NKAIN3: variants seen among roughly 807,000 people sequenced by gnomAD.
NKAIN3 encodes sodium/potassium transporting ATPase interacting 3.
Under a neutral mutation model 30.2 loss-of-function variants are expected in NKAIN3, and 25 were observed. The ratio of observed to expected loss-of-function variants is 0.83; its 90% CI spans 0.60 to 1.16. The LOEUF is 1.16. NKAIN3 is among the 50% of genes most tolerant of loss of function. The pLI is 0.00. For synonymous variants in NKAIN3, 91 were observed against 89.6 expected (o/e 1.02, Z -0.09); for missense variants, 225 against 254.1 (o/e 0.89, Z 0.78).
rs150076499 is a variant in NKAIN3 at position 62,727,068 on chromosome 8, A to G, written c.274-19864A>G. On this transcript the variant is annotated intron_variant, in intron 3 of 6. Coordinates refer to ENST00000623646, the MANE Select transcript of NKAIN3 (RefSeq NM_001304533.3). Reference sequence around the variant, plus strand: ...TAGTGTTAAAAAATCAATTAATGTAATTGACCACATCAGCAGGCTAAAGAA... The same window carrying G: ...TAGTGTTAAAAAATCAATTAATGTAGTTGACCACATCAGCAGGCTAAAGAA... Among the ~76,000 whole-genome samples the G allele has an allele frequency of 4.2e-3, 637 of 152,288 alleles. 6 individuals are homozygous for G. The highest frequency in any genetic ancestry group is 0.015 in the African/African-American group (613 of 41,590).
At chr8:62,346,894 T>C (rs1232272604) in intron 1 of NKAIN3, among the ~76,000 whole-genome samples, 2 of 152,090 alleles carry the variant, frequency 1.3e-5, no homozygotes, top group African/African-American at 2.4e-5. Flanking sequence ...GAGGAGCAAA[T>C]GAATGACATA....
Position 62,882,174 on chromosome 8 carries a change from A to G in NKAIN3, c.472-36279A>G, listed in dbSNP as rs369551206. ...GTCCTTTATCAGATGCCTCTTTTGC[A>G]TATGTTTTTTCCCAGAATGTGACTT... On this transcript the variant is annotated intron_variant, in intron 4 of 6. Transcript: ENST00000623646. Among the ~76,000 whole-genome samples the G allele has an allele frequency of 2.0e-3, 298 of 152,206 alleles. 2 individuals carry two copies. Among genetic ancestry groups the G allele is most frequent in the Non-Finnish European group, 3.0e-3 (206 of 68,010 alleles).
chr8:62,508,035 G>C (rs2129719284), intron 1 of NKAIN3, among the ~76,000 whole-genome samples: 1 of 152,264 alleles, frequency 6.6e-6, no homozygotes, highest in Admixed American at 6.5e-5. Context: ...GGTAGTGATT[G>C]GGCTTTCTAA....
chr8:62,415,997 C>T (rs1468693005), intron 1 of NKAIN3, among the ~76,000 whole-genome samples: 4 of 151,938 alleles, frequency 2.6e-5, no homozygotes, highest in Non-Finnish European at 5.9e-5. Context: ...ACCTCGTGAT[C>T]CTCCTGCCTC....
chr8:62,493,347 T>C (rs909014854), intron 1 of NKAIN3, among the ~76,000 whole-genome samples: 1 of 152,118 alleles, frequency 6.6e-6, no homozygotes, highest in Non-Finnish European at 1.5e-5. Context: ...TGTTTGGCCT[T>C]ATATTTGGGC....
At chr8:62,463,201 A>C (rs1390130368) in intron 1 of NKAIN3, among the ~76,000 whole-genome samples, 3 of 152,342 alleles carry the variant, frequency 2.0e-5, no homozygotes, top group African/African-American at 7.2e-5. Context: ...AGGATCAACA[A>C]AATGTGCAAT....
At chr8:62,901,066 G>A (rs59960365) in intron 4 of NKAIN3, among the ~76,000 whole-genome samples, 9 of 152,296 alleles carry the variant, frequency 5.9e-5, no homozygotes, top group African/African-American at 2.2e-4. Context: ...GCGGTCAGGA[G>A]AGAAAAGACA....
intron 1 of NKAIN3, among the ~76,000 whole-genome samples, chr8:62,327,916 A>C (rs897221964): frequency 6.6e-6 from 1 of 152,014 alleles, no homozygotes; most frequent in African/African-American, 2.4e-5. Flanking sequence ...TGAACATGGG[A>C]TCTCTTTCCA....
chr8:62,639,782 G>A (rs892070899), intron 3 of NKAIN3, among the ~76,000 whole-genome samples: 1 of 152,072 alleles, frequency 6.6e-6, no homozygotes, highest in Admixed American at 6.6e-5. Context: ...TTAGTTTAGT[G>A]ATGAGAAGTG....
At chr8:62,338,938 C>G (rs1815652283) in intron 1 of NKAIN3, among the ~76,000 whole-genome samples, 1 of 152,066 alleles carries the variant, frequency 6.6e-6, no homozygotes, top group South Asian at 2.1e-4. Context: ...ATAGACACAC[C>G]CAGGATCAAT....
At chr8:62,819,382 TTA>T (rs1238385827) in intron 4 of NKAIN3, among the ~76,000 whole-genome samples, 2 of 151,940 alleles carry the variant, frequency 1.3e-5, no homozygotes, top group Non-Finnish European at 2.9e-5. Context: ...TGGAAATTCA[TTA>T]ACACTGTTCT....
intron 5 of NKAIN3, among the ~76,000 whole-genome samples, chr8:62,996,680 A>T (rs1221928756): frequency 6.6e-6 from 1 of 152,234 alleles, no homozygotes; most frequent in South Asian, 2.1e-4. Context: ...TGGGGGGTAC[A>T]AGTATTGGGT....
At chr8:62,654,817 GCAAA>G (rs1262754011) in intron 3 of NKAIN3, among the ~76,000 whole-genome samples, 1 of 151,894 alleles carries the variant, frequency 6.6e-6, no homozygotes, top group Non-Finnish European at 1.5e-5. Context: ...TAAAAACAAG[GCAAA>G]CAAACAAAAA....
At chr8:62,345,616 C>CATATATATACACATATATGTATATAT (rs1815970150) in intron 1 of NKAIN3, among the ~76,000 whole-genome samples, 1 of 139,784 alleles carries the variant, frequency 7.2e-6, no homozygotes, top group Non-Finnish European at 1.5e-5. Flanking sequence ...TATGTATATA[C>CATATATATACACATATATGTATATAT]ACACATATAT....
chr8:62,677,016 C>T (rs188807695), intron 3 of NKAIN3, among the ~76,000 whole-genome samples: 39 of 152,132 alleles, frequency 2.6e-4, no homozygotes, highest in African/African-American at 8.9e-4. Flanking sequence ...ACTGCACCGG[C>T]CCAATATAGA....
chr8:62,786,181 T>G (rs1817511372), intron 4 of NKAIN3, among the ~76,000 whole-genome samples: 1 of 152,068 alleles, frequency 6.6e-6, no homozygotes, highest in Non-Finnish European at 1.5e-5. Flanking sequence ...TAGATGATAC[T>G]CCCATAACAA....
intron 4 of NKAIN3, among the ~76,000 whole-genome samples, chr8:62,904,636 C>T (rs979492860): frequency 1.3e-5 from 2 of 152,234 alleles, no homozygotes; most frequent in African/African-American, 2.4e-5. Flanking sequence ...TGCTACCATG[C>T]TGGAGTTCTG....
intron 4 of NKAIN3, among the ~76,000 whole-genome samples, chr8:62,882,364 G>T (rs1276148279): frequency 6.6e-6 from 1 of 152,050 alleles, no homozygotes; most frequent in Non-Finnish European, 1.5e-5. Flanking sequence ...TGTCGCCCAG[G>T]CTGGAGTACA....
intron 1 of NKAIN3, among the ~76,000 whole-genome samples, chr8:62,484,090 C>A (rs1806824232): frequency 6.6e-6 from 1 of 152,242 alleles, no homozygotes. Context: ...GTTTCAAGCT[C>A]TGTACTGGCT....
Sources: gnomAD v4.1 joint callset for allele counts (sites outside exome capture counted in the v4.1 genomes callset) on GRCh38, gnomAD v4.1.1 for gene constraint, MANE v1.5 for transcripts, NCBI Gene and HGNC (gene_info 2026-07-23, HGNC 2026-07-21) for gene names.